Variants in MAGI3 observed in about 807,000 individuals in gnomAD.
MAGI3 encodes the protein membrane-associated guanylate kinase, WW and PDZ domain-containing protein 3.
MAGI3 carries 43 observed loss-of-function variants against 121.8 expected under a neutral mutation model. The ratio of observed to expected loss-of-function variants is 0.35; its 90% CI spans 0.28 to 0.46. The LOEUF (loss-of-function observed/expected upper bound fraction) is 0.46, where lower values mean the gene tolerates loss of function less well. Among genes scored for constraint, MAGI3 ranks in the 20% least tolerant of loss-of-function variants. The pLI, the probability that MAGI3 is intolerant of heterozygous loss-of-function variation, is 1.00. For missense variants in MAGI3, 1,547 were observed against 1,797.3 expected (o/e 0.86, Z 2.52); for synonymous variants, 553 against 639.3 (o/e 0.86, Z 2.04).
chr1:113,536,198 G>T, intron 1 of MAGI3, among the ~76,000 whole-genome samples: 1 of 150,964 alleles, frequency 6.6e-6, no homozygotes, highest in African/African-American at 2.4e-5. Context: ...TAACTGTTAG[G>T]GATATAATCA....
At chr1:113,577,832 C>T (rs930895314) in intron 2 of MAGI3, among the ~76,000 whole-genome samples, 2 of 152,146 alleles carry the variant, frequency 1.3e-5, no homozygotes, top group Non-Finnish European at 1.5e-5. Flanking sequence ...CAGACCAAAA[C>T]AGAGTTCCTC....
In MAGI3 at chr1:113,530,848, C is replaced by A. The variant is rs554014174; in HGVS notation, c.317-18667C>A. ...GGAGGATTGCTTGAGCCTAGGGGGT[C>A]GAGGCTGCCGTAAGCTGTGATTGTA... On this transcript the variant is annotated intron_variant, in intron 1 of 20. Transcript: ENST00000307546. Among the ~76,000 whole-genome samples the A allele has an allele frequency of 2.0e-5, 3 of 152,056 alleles. No individual in the cohort carries two copies. In the South Asian group the frequency reaches 6.2e-4, roughly 32 times the overall value.
intron 6 of MAGI3, among the ~76,000 whole-genome samples, chr1:113,607,415 A>T (rs1649839281): frequency 6.6e-6 from 1 of 152,204 alleles, no homozygotes; most frequent in Admixed American, 6.5e-5. Flanking sequence ...GACTAGTTAT[A>T]TAGTTTTTAA....
rs575147626 is a variant in MAGI3 at position 113,581,929 on chromosome 1, G to GT, written c.553+1277dup. On this transcript the variant is annotated intron_variant, in intron 3 of 20. Transcript: ENST00000307546. The stretch of plus-strand genomic sequence containing the variant: ...TGAACAAGATTAAAGTGCTTTTGAA[G>GT]TTTTTTTTTGTTTGTTTTTGTTTTT... Among the ~76,000 whole-genome samples the GT allele has an allele frequency of 3.8e-4, 57 of 150,988 alleles. No individual in the cohort carries two copies. The East Asian group carries it at 6.2e-3, about 16-fold the overall frequency.
rs527969527 is a variant in MAGI3 at position 113,494,879 on chromosome 1, TTTTA to T, written c.317-54632_317-54629del. On this transcript the variant is annotated intron_variant, in intron 1 of 20. Coordinates refer to ENST00000307546, the MANE Select transcript of MAGI3 (RefSeq NM_001142782.2). ...TTAATACTGATTTGAACTAGCTAGA[TTTTA>T]TTTGTTTACTTGTTTTTGTTATTTT... Among the ~76,000 whole-genome samples the T allele has an allele frequency of 1.4e-4, 21 of 152,316 alleles. No homozygotes were observed. In the East Asian group the frequency reaches 3.7e-3, roughly 27 times the overall value.
In MAGI3 at chr1:113,450,680, G is replaced by A. The variant is rs1654441102; in HGVS notation, c.316+59331G>A. The stretch of plus-strand genomic sequence containing the variant: ...AAGAAGCTCGGGCAGTCCCTATGGT[G>A]GTGGTTATGGATCTGGTGGTGGAAG... On this transcript the variant is annotated intron_variant, in intron 1 of 20. Coordinates refer to ENST00000307546, the MANE Select transcript of MAGI3 (RefSeq NM_001142782.2). 2.7e-6 allele frequency: 3 copies of A among 1,105,550 alleles called. No homozygotes were observed. In the Admixed American group the frequency reaches 5.0e-5, roughly 19 times the overall value. The allele number at this position is 1,105,550 out of a possible 1,614,324, so 68.5% of individuals were successfully genotyped here.
At chr1:113,392,113 C>T (rs1650857592) in intron 1 of MAGI3, among the ~76,000 whole-genome samples, 1 of 152,220 alleles carries the variant, frequency 6.6e-6, no homozygotes, top group South Asian at 2.1e-4. Flanking sequence ...TGCTGCAAAG[C>T]ACGTTATGTT....
chr1:113,557,920 C>T (rs1011378720), intron 2 of MAGI3, among the ~76,000 whole-genome samples: 2 of 152,090 alleles, frequency 1.3e-5, no homozygotes, highest in African/African-American at 2.4e-5. Flanking sequence ...CAGGAAGAAC[C>T]AAGGCAACTA....
At chr1:113,654,368 G>A (rs1195725250) in intron 15 of MAGI3, among the ~76,000 whole-genome samples, 8 of 152,246 alleles carry the variant, frequency 5.3e-5, no homozygotes, top group Admixed American at 2.6e-4. Flanking sequence ...AGGATAAATC[G>A]TGTATGTAGA....
Position 113,654,034 on chromosome 1 carries a change from T to C in MAGI3, c.2629+16T>C. ...CCTCCAGGAGGTAAGGGCTATTGTATCTTATTGTCTCTCCCTGCAAGTCCA... is the reference window on the plus strand; with the variant it reads ...CCTCCAGGAGGTAAGGGCTATTGTACCTTATTGTCTCTCCCTGCAAGTCCA... On this transcript the variant is annotated intron_variant, in intron 15 of 20. Transcript: ENST00000307546. 1 of 1,587,010 alleles carries C rather than the reference T, an allele frequency of 6.3e-7. No homozygotes were observed. Among genetic ancestry groups the C allele is most frequent in the East Asian group, 2.3e-5 (1 of 44,154 alleles).
In MAGI3 at chr1:113,662,512, A is replaced by T. The variant is rs78834375; in HGVS notation, c.2815+3247A>T. Among the ~76,000 whole-genome samples, 369 of 152,320 alleles carry T rather than the reference A, an allele frequency of 2.4e-3. 1 individual carries two copies. The highest frequency in any genetic ancestry group is 3.2e-3 in the Non-Finnish European group (219 of 68,026). On this transcript the variant is annotated intron_variant, in intron 16 of 20. Coordinates refer to ENST00000307546, the MANE Select transcript of MAGI3 (RefSeq NM_001142782.2). ...GGCCTTGTTAATTTTAAGAGTGAAC[A>T]TGACTTACCAAAGGCTACCAAGCAC...
chr1:113,600,915 G>A (rs966946700), intron 6 of MAGI3, among the ~76,000 whole-genome samples: 10 of 151,978 alleles, frequency 6.6e-5, no homozygotes, highest in South Asian at 2.1e-4. Context: ...AAATAGCGCC[G>A]CCTATCTACA....
chr1:113,530,109 G>A (rs925449245), intron 1 of MAGI3, among the ~76,000 whole-genome samples: 1 of 151,882 alleles, frequency 6.6e-6, no homozygotes. Context: ...GTTTCCCTTA[G>A]CATTCTTCAC....
At chr1:113,406,474 AC>A (rs2101316596) in intron 1 of MAGI3, among the ~76,000 whole-genome samples, 1 of 151,806 alleles carries the variant, frequency 6.6e-6, no homozygotes, top group African/African-American at 2.4e-5. Flanking sequence ...GGAAAAAAAA[AC>A]TGGTTCAAAT....
chr1:113,456,844 G>C (rs900377063), intron 1 of MAGI3, among the ~76,000 whole-genome samples: 1 of 149,078 alleles, frequency 6.7e-6, no homozygotes, highest in Non-Finnish European at 1.5e-5. Context: ...AGAGGCTTGC[G>C]GATACAGCCT....
At chr1:113,678,877 A>G (rs981927250) in intron 19 of MAGI3, among the ~76,000 whole-genome samples, 1 of 152,132 alleles carries the variant, frequency 6.6e-6, no homozygotes, top group African/African-American at 2.4e-5. Flanking sequence ...TTAAATATTG[A>G]GTCCTTCTGT....
intron 20 of MAGI3, among the ~76,000 whole-genome samples, chr1:113,681,731 A>T (rs1382020391): frequency 6.6e-6 from 1 of 152,208 alleles, no homozygotes; most frequent in Non-Finnish European, 1.5e-5. Context: ...ATTTCTGTAA[A>T]GCAAGATAAG....
chr1:113,606,247 G>A lies in MAGI3; in HGVS notation c.1019-8354G>A, dbSNP rs535642467. 8.5e-5 allele frequency among the ~76,000 whole-genome samples: 13 copies of A among 152,226 alleles called. No homozygotes were observed. In the South Asian group the frequency reaches 1.0e-3, roughly 12 times the overall value. Reference sequence around the variant, plus strand: ...CTCCCAAAGTGCTGGGATTACAAGTGTGAGCCACCATGCCCAGCCCAAGAA... The same window carrying A: ...CTCCCAAAGTGCTGGGATTACAAGTATGAGCCACCATGCCCAGCCCAAGAA... On this transcript the variant is annotated intron_variant, in intron 6 of 20. Coordinates refer to ENST00000307546, the MANE Select transcript of MAGI3 (RefSeq NM_001142782.2).
chr1:113,565,253 C>A (rs796166741), intron 2 of MAGI3, among the ~76,000 whole-genome samples: 23 of 152,232 alleles, frequency 1.5e-4, no homozygotes, highest in African/African-American at 5.5e-4. Context: ...TCATTTTGCA[C>A]TGACATTCAT....
Sources: gnomAD v4.1 joint callset for allele counts (sites outside exome capture counted in the v4.1 genomes callset) on GRCh38, gnomAD v4.1.1 for gene constraint, MANE v1.5 for transcripts, NCBI Gene and HGNC (gene_info 2026-07-23, HGNC 2026-07-21) for gene names.